The following GRIA1 variants were observed in gnomAD, a reference collection of about 807,000 sequenced individuals.
GRIA1 encodes the protein glutamate ionotropic receptor AMPA type subunit 1.
GRIA1 carries 31 observed loss-of-function variants against 99.2 expected under a neutral mutation model. The ratio of observed to expected loss-of-function variants is 0.31; its 90% CI spans 0.23 to 0.42. The LOEUF is 0.42. Ranked by LOEUF, GRIA1 falls within the 10% of genes least tolerant of loss-of-function variation. The pLI is 1.00. For missense variants in GRIA1, 782 were observed against 1,157.5 expected (o/e 0.68, Z 4.71); for synonymous variants, 438 against 432.4 (o/e 1.01, Z -0.16).
intron 8 of GRIA1, among the ~76,000 whole-genome samples, chr5:153,689,925 A>G (rs1246610196): frequency 2.6e-5 from 4 of 152,188 alleles, no homozygotes; most frequent in Admixed American, 6.5e-5. Context: ...AGTTGACCCT[A>G]ACTATTGCCC....
At chr5:153,548,955 A>T (rs1759864850) in intron 2 of GRIA1, among the ~76,000 whole-genome samples, 1 of 143,136 alleles carries the variant, frequency 7.0e-6, no homozygotes, top group Non-Finnish European at 1.6e-5. Context: ...CCTTGATGTA[A>T]TATATCATAA....
chr5:153,796,914 A>C (rs1232737322), intron 14 of GRIA1, among the ~76,000 whole-genome samples: 1 of 152,034 alleles, frequency 6.6e-6, no homozygotes, highest in Non-Finnish European at 1.5e-5. Flanking sequence ...AGGCAAAAGG[A>C]CTGAAAACAC....
chr5:153,617,453 A>G (rs1466639233), intron 2 of GRIA1, among the ~76,000 whole-genome samples: 1 of 152,190 alleles, frequency 6.6e-6, no homozygotes, highest in Non-Finnish European at 1.5e-5. Context: ...GTCATCAGCC[A>G]TCTTGTTTAT....
chr5:153,615,219 ATACT>A (rs1652848544), intron 2 of GRIA1, among the ~76,000 whole-genome samples: 1 of 152,230 alleles, frequency 6.6e-6, no homozygotes, highest in Non-Finnish European at 1.5e-5. Flanking sequence ...CCATCAGCAA[ATACT>A]TACTAAGTAC....
chr5:153,590,225 G>A (rs545499974), intron 2 of GRIA1, among the ~76,000 whole-genome samples: 55 of 151,894 alleles, frequency 3.6e-4, no homozygotes, highest in Non-Finnish European at 6.3e-4. Flanking sequence ...ACATCAGTTC[G>A]AAAAAATTGC....
At chr5:153,713,582 G>A (rs1029926381) in intron 11 of GRIA1, among the ~76,000 whole-genome samples, 2 of 152,214 alleles carry the variant, frequency 1.3e-5, no homozygotes, top group Admixed American at 6.5e-5. Context: ...AGGCAGCATG[G>A]AAATGTTAAA....
intron 11 of GRIA1, among the ~76,000 whole-genome samples, chr5:153,736,891 C>T (rs746801548): frequency 3.3e-5 from 5 of 152,192 alleles, no homozygotes; most frequent in Non-Finnish European, 7.3e-5. Context: ...GGTTGGAACA[C>T]GGTACACACA....
intron 2 of GRIA1, among the ~76,000 whole-genome samples, chr5:153,594,841 C>T (rs902113396): frequency 6.6e-6 from 1 of 151,862 alleles, no homozygotes; most frequent in Non-Finnish European, 1.5e-5. Context: ...GATTACCTGG[C>T]TGCATAGGCT....
In GRIA1 at chr5:153,644,329, G is replaced by T. The variant is rs1862408; in HGVS notation, c.221-2599G>T. Among the ~76,000 whole-genome samples the T allele has an allele frequency of 2.4e-4, 36 of 152,172 alleles. 1 individual carries two copies. Among genetic ancestry groups the T allele is most frequent in the Admixed American group, 3.3e-4 (5 of 15,274 alleles). Reference sequence around the variant, plus strand: ...ACTCATTAGGGTGGAGGAGAAAATAGTGTGAGTGGCAGAGGATAAATGGCT... The same window carrying T: ...ACTCATTAGGGTGGAGGAGAAAATATTGTGAGTGGCAGAGGATAAATGGCT... On this transcript the variant is annotated intron_variant, in intron 2 of 15. Transcript: ENST00000285900.
At chr5:153,755,834 C>A (rs575185623) in intron 11 of GRIA1, among the ~76,000 whole-genome samples, 2 of 152,272 alleles carry the variant, frequency 1.3e-5, no homozygotes, top group African/African-American at 4.8e-5. Context: ...CTGGCAGAGC[C>A]CAAGACCTAA....
intron 2 of GRIA1, among the ~76,000 whole-genome samples, chr5:153,608,819 A>G (rs140736800): frequency 2.0e-5 from 3 of 152,014 alleles, no homozygotes; most frequent in Middle Eastern, 3.2e-3. Context: ...CGTTCTGGAC[A>G]TTGAATTTGC....
chr5:153,621,213 C>G (rs1222364342), intron 2 of GRIA1, among the ~76,000 whole-genome samples: 2 of 152,110 alleles, frequency 1.3e-5, no homozygotes, highest in Non-Finnish European at 2.9e-5. Flanking sequence ...TCCCCAAATT[C>G]CTAAAAATCA....
At chr5:153,500,915 A>G (rs994858879) in intron 2 of GRIA1, among the ~76,000 whole-genome samples, 1 of 152,150 alleles carries the variant, frequency 6.6e-6, no homozygotes, top group South Asian at 2.1e-4. Context: ...AACCTTGGAG[A>G]AACATCCCCT....
chr5:153,695,758 A>G (rs1186221672), intron 8 of GRIA1, among the ~76,000 whole-genome samples: 1 of 152,168 alleles, frequency 6.6e-6, no homozygotes, highest in African/African-American at 2.4e-5. Flanking sequence ...CATGGTACAC[A>G]TGCCTGCACT....
At chr5:153,557,078 A>G (rs1426090849) in intron 2 of GRIA1, among the ~76,000 whole-genome samples, 3 of 152,210 alleles carry the variant, frequency 2.0e-5, no homozygotes, top group Admixed American at 6.5e-5. Flanking sequence ...AATATAAAAG[A>G]TGAAAACTAG....
At chr5:153,788,515 C>G (rs1002844756) in intron 13 of GRIA1, among the ~76,000 whole-genome samples, 4 of 152,204 alleles carry the variant, frequency 2.6e-5, no homozygotes, top group African/African-American at 9.7e-5. Context: ...AACCTCATCT[C>G]CCCATAAGAA....
rs1311034003 is a variant in GRIA1, at chr5:153,705,830, TCTC to T, written c.1589_1591del (p.Ser530del). On this transcript the variant is annotated inframe_deletion, in exon 11 of 16. Coordinates refer to ENST00000285900, the MANE Select transcript of GRIA1 (RefSeq NM_000827.4). ...CCACAGAAATCCAAGCCGGGTGTCTTCTCCTTCCTTGATCCTTTGGCTTATGAG... is the reference window on the plus strand; with the variant it reads ...CCACAGAAATCCAAGCCGGGTGTCTTCTTCCTTGATCCTTTGGCTTATGAG... 6.2e-7 allele frequency: 1 copy of T among 1,614,026 alleles called. No homozygotes were observed. Among genetic ancestry groups the T allele is most frequent in the Non-Finnish European group, 8.5e-7 (1 of 1,180,014 alleles).
intron 5 of GRIA1, among the ~76,000 whole-genome samples, chr5:153,663,580 T>C (rs564541551): frequency 1.3e-5 from 2 of 152,326 alleles, no homozygotes; most frequent in South Asian, 2.1e-4. Context: ...AGTTAATGTA[T>C]GTAAAGTTTT....
intron 2 of GRIA1, among the ~76,000 whole-genome samples, chr5:153,637,366 C>A (rs1298677390): frequency 6.6e-6 from 1 of 152,074 alleles, no homozygotes; most frequent in African/African-American, 2.4e-5. Context: ...TTATCTAGGC[C>A]AATAGTCCTT....
Sources: allele counts gnomAD v4.1 joint callset (sites outside exome capture counted in the v4.1 genomes callset), GRCh38; gene constraint gnomAD v4.1.1; transcripts MANE v1.5; gene names NCBI Gene and HGNC (gene_info 2026-07-23, HGNC 2026-07-21).